R3HDM1: variants seen among roughly 807,000 people sequenced by gnomAD.
R3HDM1 encodes the protein R3H domain-containing protein 1.
R3HDM1 carries 46 observed loss-of-function variants against 141.1 expected under a neutral mutation model. The ratio of observed to expected loss-of-function variants is 0.33; its 90% CI spans 0.26 to 0.42. R3HDM1 has a LOEUF of 0.42. Ranked by LOEUF, R3HDM1 falls within the 10% of genes least tolerant of loss-of-function variation. The probability of loss-of-function intolerance (pLI) is 1.00; values close to 1 mark genes in which losing one functional copy is unlikely to be tolerated. For missense variants in R3HDM1, 1,184 were observed against 1,368.3 expected, an observed-to-expected ratio of 0.87 and a Z score of 2.12; for synonymous variants, 435 against 472.9, an observed-to-expected ratio of 0.92 and a Z score of 1.04.
chr2:135,531,770 T>C, intron 1 of R3HDM1, 137 bp downstream of exon 1: 2 of 985,690 alleles, frequency 2.0e-6, no homozygotes, highest in South Asian at 9.4e-5. Context: ...AAAGGTGGCC[T>C]TCCCCGCCGG....
intron 7 of R3HDM1, among the ~76,000 whole-genome samples, chr2:135,629,773 A>G (rs1162845694): frequency 6.6e-6 from 1 of 152,186 alleles, no homozygotes; most frequent in East Asian, 1.9e-4. Flanking sequence ...TGCCTTGTAC[A>G]TATGTTTAGT....
chr2:135,532,960 A>G (rs745902519), intron 1 of R3HDM1, among the ~76,000 whole-genome samples: 1 of 152,204 alleles, frequency 6.6e-6, no homozygotes, highest in Non-Finnish European at 1.5e-5. Flanking sequence ...TTCTAGGCCC[A>G]TTTCTGAGGT....
chr2:135,557,754 A>G (rs1701057966), intron 1 of R3HDM1, among the ~76,000 whole-genome samples: 2 of 151,986 alleles, frequency 1.3e-5, no homozygotes, highest in Non-Finnish European at 2.9e-5. Flanking sequence ...TCATGTTCTC[A>G]CTCCTGGGGC....
chr2:135,569,796 GGCTCACTGCAA>G (rs922583489), intron 1 of R3HDM1, among the ~76,000 whole-genome samples: 3 of 149,034 alleles, frequency 2.0e-5, no homozygotes, highest in Non-Finnish European at 2.9e-5. Flanking sequence ...GCACAGTCTC[GGCTCACTGCAA>G]GCTCCGCCTC....
At chr2:135,566,446 AT>A (rs1434457170) in intron 1 of R3HDM1, among the ~76,000 whole-genome samples, 2 of 152,238 alleles carry the variant, frequency 1.3e-5, no homozygotes, top group Non-Finnish European at 2.9e-5. Context: ...CGTTTACATT[AT>A]TGAAATACAG....
intron 3 of R3HDM1, among the ~76,000 whole-genome samples, chr2:135,612,058 G>A (rs2060598742): frequency 6.6e-6 from 1 of 152,034 alleles, no homozygotes; most frequent in African/African-American, 2.4e-5. Flanking sequence ...TGTGCTTTAT[G>A]GCTCGAAAGA....
chr2:135,640,176 C>T (rs1432310475), intron 14 of R3HDM1, among the ~76,000 whole-genome samples: 1 of 151,628 alleles, frequency 6.6e-6, no homozygotes, highest in Non-Finnish European at 1.5e-5. Context: ...AGGTATTGTA[C>T]ACGTAAGAAT....
At chr2:135,553,884 T>C (rs771124490) in intron 1 of R3HDM1, among the ~76,000 whole-genome samples, 4 of 152,206 alleles carry the variant, frequency 2.6e-5, no homozygotes, top group Non-Finnish European at 5.9e-5. Context: ...GAGACAGGGT[T>C]TCGCCATGTT....
At chr2:135,638,003 A>T (rs1224380619) in intron 11 of R3HDM1, among the ~76,000 whole-genome samples, 1 of 152,206 alleles carries the variant, frequency 6.6e-6, no homozygotes, top group Non-Finnish European at 1.5e-5. Context: ...TTGCAGAAAC[A>T]GGTGTCTCGC....
chr2:135,675,725 G>T (rs780908393), intron 20 of R3HDM1, among the ~76,000 whole-genome samples: 4 of 152,028 alleles, frequency 2.6e-5, no homozygotes, highest in African/African-American at 9.7e-5. Context: ...TAATGTTTAG[G>T]ATCTGAAACA....
At chr2:135,537,813 C>T (rs541218895) in intron 1 of R3HDM1, among the ~76,000 whole-genome samples, 5 of 152,082 alleles carry the variant, frequency 3.3e-5, no homozygotes, top group Non-Finnish European at 5.9e-5. Context: ...TGAGCCACCG[C>T]ACCCAGTGGG....
At position 135,598,541 on chromosome 2, in the gene R3HDM1, C is replaced by G. The variant is rs112279745; in HGVS notation, c.-249-3959C>G. Among the ~76,000 whole-genome samples the G allele has an allele frequency of 4.2e-3, 647 of 152,252 alleles. 9 individuals are homozygous for G. The highest frequency in any genetic ancestry group is 0.015 in the African/African-American group (606 of 41,550). ...GATGATACAGTATTGCGGGTAAGAG[C>G]CTGAAATGGAGCACTAGTCTGTCCA... On this transcript the variant is annotated intron_variant, in intron 1 of 26. Coordinates refer to ENST00000683871, the MANE Select transcript of R3HDM1 (RefSeq NM_001378107.1).
At chr2:135,668,601 C>G (rs1230253974) in intron 19 of R3HDM1, among the ~76,000 whole-genome samples, 1 of 152,130 alleles carries the variant, frequency 6.6e-6, no homozygotes, top group Non-Finnish European at 1.5e-5. Flanking sequence ...TAGTTTAAAC[C>G]TGGTGAATTT....
chr2:135,720,123 G>A (rs985707113), intron 24 of R3HDM1, among the ~76,000 whole-genome samples: 3 of 152,188 alleles, frequency 2.0e-5, no homozygotes, highest in Non-Finnish European at 4.4e-5. Context: ...AATTACAGGC[G>A]TGAGCCACCG....
intron 1 of R3HDM1, among the ~76,000 whole-genome samples, chr2:135,573,568 T>A (rs1368539961): frequency 1.4e-5 from 2 of 146,746 alleles, no homozygotes; most frequent in African/African-American, 2.5e-5. Flanking sequence ...AGAATAAGAG[T>A]AGGGATTATA....
intron 1 of R3HDM1, among the ~76,000 whole-genome samples, chr2:135,579,507 G>A (rs187714649): frequency 5.8e-4 from 88 of 150,628 alleles, no homozygotes; most frequent in African/African-American, 2.1e-3. Context: ...TGGAGAAGTT[G>A]TGATGAAAAG....
At chr2:135,714,121 C>G (rs1268893784) in intron 23 of R3HDM1, among the ~76,000 whole-genome samples, 2 of 151,542 alleles carry the variant, frequency 1.3e-5, no homozygotes, top group African/African-American at 4.9e-5. Flanking sequence ...CTACAAGATA[C>G]TTAAAACTAC....
intron 24 of R3HDM1, among the ~76,000 whole-genome samples, chr2:135,720,826 C>T (rs2076631324): frequency 6.6e-6 from 1 of 152,176 alleles, no homozygotes; most frequent in Non-Finnish European, 1.5e-5. Context: ...AAATTTTTAG[C>T]AATTAATAGT....
intron 1 of R3HDM1, among the ~76,000 whole-genome samples, chr2:135,548,801 CCTTT>C (rs1362939732): frequency 6.6e-6 from 1 of 152,114 alleles, no homozygotes; most frequent in Non-Finnish European, 1.5e-5. Context: ...GTTAATTTTT[CCTTT>C]CTGTTGATGG....
Sources: allele counts gnomAD v4.1 joint callset (sites outside exome capture counted in the v4.1 genomes callset), GRCh38; gene constraint gnomAD v4.1.1; transcripts MANE v1.5; gene names NCBI Gene and HGNC (gene_info 2026-07-23, HGNC 2026-07-21).